Variants in CRYL1 observed in about 807,000 individuals in gnomAD.
CRYL1 encodes lambda-crystallin homolog.
Under a neutral mutation model 36.6 loss-of-function variants are expected in CRYL1, and 29 were observed. The ratio of observed to expected loss-of-function variants is 0.79; its 90% CI spans 0.59 to 1.08. The LOEUF (loss-of-function observed/expected upper bound fraction) is 1.08. Among genes scored for constraint, CRYL1 ranks in the 50% least tolerant of loss-of-function variants. The pLI, the probability that CRYL1 is intolerant of heterozygous loss-of-function variation, is 0.00. For missense variants in CRYL1, 411 were observed against 407.9 expected (o/e 1.01, Z -0.06); for synonymous variants, 152 against 151.5 (o/e 1.00, Z -0.02).
intron 5 of CRYL1, among the ~76,000 whole-genome samples, chr13:20,424,282 C>A (rs1593434790): frequency 6.6e-6 from 1 of 152,172 alleles, no homozygotes; most frequent in Non-Finnish European, 1.5e-5. Context: ...ACCCTGCAGT[C>A]CCAACAGAGG....
intron 3 of CRYL1, among the ~76,000 whole-genome samples, chr13:20,458,590 G>A (rs2032736044): frequency 6.6e-6 from 1 of 152,134 alleles, no homozygotes; most frequent in Non-Finnish European, 1.5e-5. Flanking sequence ...ATTTCAACAT[G>A]TAATCACTAT....
At chr13:20,423,161 T>A (rs2031858627) in intron 5 of CRYL1, among the ~76,000 whole-genome samples, 1 of 152,240 alleles carries the variant, frequency 6.6e-6, no homozygotes, top group South Asian at 2.1e-4. Context: ...AATTTATTTA[T>A]CAGTTCCAAC....
intron 3 of CRYL1, among the ~76,000 whole-genome samples, chr13:20,467,683 T>C (rs1174464107): frequency 1.3e-5 from 2 of 152,158 alleles, no homozygotes; most frequent in Non-Finnish European, 2.9e-5. Context: ...TAGCCGGGCG[T>C]GGTGGCACGC....
chr13:20,459,230 C>T (rs2032755632), intron 3 of CRYL1, among the ~76,000 whole-genome samples: 1 of 101,870 alleles, frequency 9.8e-6, no homozygotes, highest in Admixed American at 1.3e-4. Flanking sequence ...AGCGAGACTC[C>T]ATCTCAAAAA....
At chr13:20,417,747 A>T (rs2031706980) in intron 5 of CRYL1, among the ~76,000 whole-genome samples, 1 of 152,200 alleles carries the variant, frequency 6.6e-6, no homozygotes, top group South Asian at 2.1e-4. Context: ...CATATTTTGC[A>T]CCTGATTTGG....
chr13:20,456,758 C>G (rs866040224), intron 3 of CRYL1, among the ~76,000 whole-genome samples: 19 of 152,236 alleles, frequency 1.2e-4, no homozygotes, highest in African/African-American at 4.3e-4. Context: ...ACCTGCCCAC[C>G]CCCCACTCTT....
intron 2 of CRYL1, among the ~76,000 whole-genome samples, chr13:20,508,120 T>C (rs1261796255): frequency 6.6e-6 from 1 of 151,904 alleles, no homozygotes; most frequent in Non-Finnish European, 1.5e-5. Context: ...TCCCAGCTAC[T>C]TGGGAGCCTG....
intron 6 of CRYL1, among the ~76,000 whole-genome samples, 184 bp downstream of exon 6, chr13:20,413,098 A>G (rs1456826479): frequency 6.6e-6 from 1 of 152,154 alleles, no homozygotes; most frequent in East Asian, 1.9e-4. Flanking sequence ...TGCACTCCAC[A>G]TGGATTTACA....
At position 20,525,175 on chromosome 13, in the gene CRYL1, C is replaced by T. The variant is rs1477497362; in HGVS notation, c.41+579G>A. On this transcript the variant is annotated intron_variant, in intron 1 of 7. Coordinates refer to ENST00000298248, the MANE Select transcript of CRYL1 (RefSeq NM_015974.3). The surrounding 1 kb of genome is among the most constrained non-coding windows in gnomAD (Gnocchi z 4.3). Reference sequence around the variant, plus strand: ...CTCCCCTCTGGAAACATCGCCTCGCCCAGGAATTAGGACTGCGTGTATGTT... The same window carrying T: ...CTCCCCTCTGGAAACATCGCCTCGCTCAGGAATTAGGACTGCGTGTATGTT... 6.6e-6 allele frequency among the ~76,000 whole-genome samples: 1 copy of T among 152,086 alleles called. No individual in the cohort carries two copies. Among genetic ancestry groups the T allele is most frequent in the Non-Finnish European group, 1.5e-5 (1 of 68,016 alleles).
At chr13:20,475,163 G>C (rs113936654) in intron 3 of CRYL1, among the ~76,000 whole-genome samples, 2 of 152,266 alleles carry the variant, frequency 1.3e-5, no homozygotes, top group South Asian at 2.1e-4. Flanking sequence ...ACTGGACAGG[G>C]AGGAGGGAGC....
In CRYL1 at chr13:20,404,175, C is replaced by T. The variant is rs1351660518; in HGVS notation, c.914G>A (p.Cys305Tyr). 3 of 1,614,080 alleles carry T rather than the reference C, an allele frequency of 1.9e-6. No individual in the cohort carries two copies. The highest frequency in any genetic ancestry group is 2.2e-5 in the South Asian group (2 of 91,082). ...CTTCAACTTGGCGAGTCTCATGAGG[C>T]ACTCGTCCCTCCACTGCCTCCTGGC... is the stretch of plus-strand genomic sequence containing the variant. Reference protein sequence around the residue: ...LAARRQWRDECLMRLAKLKSQ... With the variant: ...LAARRQWRDEYLMRLAKLKSQ... Residue 305 changes from cysteine to tyrosine, a missense_variant, in exon 8 of 8, where the codon TGC (cysteine) becomes TAC (tyrosine). Coordinates refer to ENST00000298248, the MANE Select transcript of CRYL1 (RefSeq NM_015974.3).
rs538223342 is a variant in CRYL1, at chr13:20,507,727, G to A, written c.149+4716C>T. 9.2e-5 allele frequency among the ~76,000 whole-genome samples: 14 copies of A among 152,118 alleles called. No homozygotes were observed. The East Asian group carries it at 1.2e-3, about 13-fold the overall frequency. On this transcript the variant is annotated intron_variant, in intron 2 of 7. Transcript: ENST00000298248. Reference sequence around the variant, plus strand: ...AGGTCAGGAGATCGAGACCATCCTGGCTAACACAGTGAAACCCCGTCTCTA... The same window carrying A: ...AGGTCAGGAGATCGAGACCATCCTGACTAACACAGTGAAACCCCGTCTCTA...
In CRYL1 at chr13:20,508,876, C is replaced by CA. The variant is rs869116656; in HGVS notation, c.149+3566dup. 7.0e-3 allele frequency among the ~76,000 whole-genome samples: 290 copies of CA among 41,438 alleles called. 7 individuals are homozygous for CA. Among genetic ancestry groups the CA allele is most frequent in the Middle Eastern group, 0.033 (2 of 60 alleles). The allele number at this position is 41,438 out of a possible 152,430, so 27.2% of individuals were successfully genotyped here. On this transcript the variant is annotated intron_variant, in intron 2 of 7. Coordinates refer to ENST00000298248, the MANE Select transcript of CRYL1 (RefSeq NM_015974.3). ...AAAAAAAAAAAAAAAAAAAAAAAAA[C>CA]AAAAAAAAAAAACTGACAACAACAA...
At chr13:20,449,572 A>C (rs2032524676) in intron 3 of CRYL1, among the ~76,000 whole-genome samples, 2 of 152,194 alleles carry the variant, frequency 1.3e-5, no homozygotes, top group African/African-American at 4.8e-5. Flanking sequence ...AAACACATCA[A>C]ATAGAAGACA....
chr13:20,516,273 T>G (rs2033997345), intron 1 of CRYL1, among the ~76,000 whole-genome samples: 1 of 151,180 alleles, frequency 6.6e-6, no homozygotes, highest in South Asian at 2.1e-4. Context: ...TTAAAAAATA[T>G]TTTTTTAAAA....
chr13:20,507,689 C>A (rs1044028756), intron 2 of CRYL1, among the ~76,000 whole-genome samples: 1 of 151,838 alleles, frequency 6.6e-6, no homozygotes, highest in East Asian at 1.9e-4. Context: ...GAGGCCAAGG[C>A]AGGCGGATCA....
chr13:20,512,457 G>A lies in CRYL1; in HGVS notation c.135C>T (p.Ala45=). 1 of 1,613,598 alleles carries A rather than the reference G, an allele frequency of 6.2e-7. No individual in the cohort carries two copies. The highest frequency in any genetic ancestry group is 8.5e-7 in the Non-Finnish European group (1 of 1,179,588). Residue 45 remains alanine (A), a synonymous_variant, in exon 2 of 8, where the codon GCC becomes GCT. Coordinates refer to ENST00000298248, the MANE Select transcript of CRYL1 (RefSeq NM_015974.3). ...GGCTGGCCCACCTGATGTTTTCCAGGGCGTTCCTTATCTGCTGTTGCTCAA... is the reference window on the plus strand; with the variant it reads ...GGCTGGCCCACCTGATGTTTTCCAGAGCGTTCCTTATCTGCTGTTGCTCAA... The part of the protein sequence containing the change: ...YDIEQQQIRN[A]LENIRKEMKL...
chr13:20,514,977 A>C (rs941791785), intron 1 of CRYL1, among the ~76,000 whole-genome samples: 15 of 152,244 alleles, frequency 9.9e-5, no homozygotes, highest in African/African-American at 3.6e-4. Flanking sequence ...AACAGATACA[A>C]TGTGGCATAC....
At chr13:20,439,501 C>G in intron 4 of CRYL1, 92 bp downstream of exon 4, 214 of 906,646 alleles carry the variant, frequency 2.4e-4, no homozygotes, top group East Asian at 1.0e-3. Context: ...AAGTTATTGA[C>G]CCCCCTCCCC....
Sources: gnomAD v4.1 joint callset for allele counts (sites outside exome capture counted in the v4.1 genomes callset) on GRCh38, gnomAD v4.1.1 for gene constraint, Gnocchi (gnomAD v3.1) non-coding constraint, MANE v1.5 for transcripts, NCBI Gene and HGNC (gene_info 2026-07-23, HGNC 2026-07-21) for gene names.